MYLK4: variants seen among roughly 807,000 people sequenced by gnomAD.
MYLK4 encodes the protein myosin light chain kinase family member 4.
In MYLK4, 46 loss-of-function variants were observed where a neutral mutation model predicts 48.1. That is an observed-to-expected ratio of 0.96 (90% CI 0.75 to 1.22). The LOEUF is 1.22. Ranked by LOEUF, MYLK4 falls within the 50% of genes most tolerant of loss-of-function variation. MYLK4 has a pLI of 0.00. For synonymous variants in MYLK4, 170 were observed against 180.8 expected (o/e 0.94, Z 0.48); for missense variants, 451 against 486.1 (o/e 0.93, Z 0.68).
chr6:2,761,589 G>C, the MYLK4 span, among the ~76,000 whole-genome samples: 3 of 152,188 alleles, frequency 2.0e-5, no homozygotes, highest in African/African-American at 7.2e-5. Context: ...ACATTGACAA[G>C]TTCACTTAAT....
chr6:2,761,238 G>C, the MYLK4 span, among the ~76,000 whole-genome samples: 1 of 152,100 alleles, frequency 6.6e-6, no homozygotes, highest in East Asian at 1.9e-4. Context: ...ACACTTAAAA[G>C]TAAACCACCG....
chr6:2,674,950 G>A (rs1761029936), intron 11 of MYLK4, 97 bp downstream of exon 11: 1 of 864,108 alleles, frequency 1.2e-6, no homozygotes. Context: ...AAAAGAATGA[G>A]AAAGAATCTT....
chr6:2,704,127 C>A (rs143620690), intron 2 of MYLK4, among the ~76,000 whole-genome samples: 1 of 152,212 alleles, frequency 6.6e-6, no homozygotes, highest in East Asian at 1.9e-4. Context: ...AGTGTCAGCT[C>A]ATGACAAACA....
At chr6:2,731,366 C>T (rs1231347460) in intron 2 of MYLK4, among the ~76,000 whole-genome samples, 1 of 152,162 alleles carries the variant, frequency 6.6e-6, no homozygotes, top group African/African-American at 2.4e-5. Flanking sequence ...CCCAGTTTCT[C>T]TGGACTCTAG....
chr6:2,743,919 T>G, intron 2 of MYLK4: 1 of 398,518 alleles, frequency 2.5e-6, no homozygotes, highest in African/African-American at 2.1e-5. Flanking sequence ...AGAGCAGGAG[T>G]CTGCCAGTGG....
At chr6:2,684,870 C>T (rs1761466795) in intron 6 of MYLK4, among the ~76,000 whole-genome samples, 2 of 152,020 alleles carry the variant, frequency 1.3e-5, no homozygotes, top group African/African-American at 4.8e-5. Context: ...TACTCGGTTT[C>T]TAACTAACCA....
At chr6:2,763,023 CG>C in the MYLK4 span, among the ~76,000 whole-genome samples, 1 of 152,204 alleles carries the variant, frequency 6.6e-6, no homozygotes, top group Non-Finnish European at 1.5e-5. Flanking sequence ...GGGTCTCCAT[CG>C]CCAGCTCTAG....
intron 4 of MYLK4, among the ~76,000 whole-genome samples, chr6:2,688,336 G>C (rs1212040996): frequency 2.0e-5 from 3 of 152,222 alleles, no homozygotes; most frequent in Non-Finnish European, 4.4e-5. Context: ...TGGGATTACA[G>C]GCGTGAGCCA....
intron 2 of MYLK4, among the ~76,000 whole-genome samples, chr6:2,694,393 A>G (rs1308025144): frequency 6.7e-6 from 1 of 148,954 alleles, no homozygotes; most frequent in Non-Finnish European, 1.5e-5. Flanking sequence ...TAGACTGTGG[A>G]CTTCCAGTGG....
rs1760888187 is a variant in MYLK4, at chr6:2,671,349, C to A, written c.1120-1G>T. 6.2e-7 allele frequency: 1 copy of A among 1,613,868 alleles called. No individual in the cohort carries two copies. Among genetic ancestry groups the A allele is most frequent in the East Asian group, 2.2e-5 (1 of 44,870 alleles). On this transcript the variant is annotated splice_acceptor_variant, in intron 11 of 12. Coordinates refer to ENST00000274643, the MANE Select transcript of MYLK4 (RefSeq NM_001012418.5). LOFTEE classifies it high-confidence loss of function. ...CATCAGAGCCACGATTCTTCTTCTT[C>A]TAGGGAAAGCAGAAGGCATATGGGA...
At chr6:2,707,316 A>G (rs1762528277) in intron 2 of MYLK4, among the ~76,000 whole-genome samples, 1 of 152,218 alleles carries the variant, frequency 6.6e-6, no homozygotes, top group Non-Finnish European at 1.5e-5. Context: ...TTCACATTTA[A>G]TGAGATCAGT....
In MYLK4 at chr6:2,740,732, T is replaced by C. The variant is rs189090652; in HGVS notation, c.159+8404A>G. On this transcript the variant is annotated intron_variant, in intron 2 of 12. Transcript: ENST00000274643. ...GACATGGTGCTGGGCACATAAGAAA[T>C]CCTACATAAACTTTACCTGTTCCTC... Among the ~76,000 whole-genome samples the C allele has an allele frequency of 2.1e-3, 319 of 152,282 alleles. 1 individual carries two copies. Among genetic ancestry groups the C allele is most frequent in the African/African-American group, 7.0e-3 (292 of 41,556 alleles).
intron 7 of MYLK4, 63 bp downstream of exon 7, chr6:2,682,958 A>G (rs890427367): frequency 5.0e-6 from 8 of 1,588,950 alleles, no homozygotes; most frequent in Non-Finnish European, 6.9e-6. Context: ...ATAATAGCAG[A>G]CAGGGCCCAC....
At chr6:2,703,913 C>A in intron 2 of MYLK4, among the ~76,000 whole-genome samples, 1 of 152,058 alleles carries the variant, frequency 6.6e-6, no homozygotes, top group East Asian at 1.9e-4. Flanking sequence ...TCGTGATCTG[C>A]CTGCCTCGGC....
At position 2,688,940 on chromosome 6, in the gene MYLK4, A is replaced by G. The variant is rs753310666; in HGVS notation, c.252T>C (p.Pro84=). 2 of 1,614,204 alleles carry G rather than the reference A, an allele frequency of 1.2e-6. No homozygotes were observed. The highest frequency in any genetic ancestry group is 4.5e-5 in the East Asian group (2 of 44,882). ...CAATACGATGATCAAATGGGGCCGG[A>G]GGAGCCGGGATGTCAACTAGAAGGT... ...TSALAVDIPA[P]PAPFDHRIVT... is the part of the protein sequence containing the mutation. Residue 84 remains proline (P), a synonymous_variant, in exon 4 of 13, where the codon CCT becomes CCC. Coordinates refer to ENST00000274643, the MANE Select transcript of MYLK4 (RefSeq NM_001012418.5).
chr6:2,743,967 G>T, intron 2 of MYLK4: 1 of 398,834 alleles, frequency 2.5e-6, no homozygotes, highest in Non-Finnish European at 4.4e-6. Flanking sequence ...AAGCACCAGA[G>T]AACTGAAGAC....
At chr6:2,730,825 T>A (rs1262529288) in intron 2 of MYLK4, among the ~76,000 whole-genome samples, 1 of 152,112 alleles carries the variant, frequency 6.6e-6, no homozygotes, top group Non-Finnish European at 1.5e-5. Flanking sequence ...ATTCTTGACA[T>A]CCTAAGGTTG....
intron 2 of MYLK4, among the ~76,000 whole-genome samples, chr6:2,735,308 A>T (rs545354847): frequency 3.7e-4 from 57 of 152,334 alleles, no homozygotes; most frequent in Admixed American, 1.4e-3. Flanking sequence ...AAGCCAGGGC[A>T]TGTCAGGCCA....
intron 9 of MYLK4, among the ~76,000 whole-genome samples, chr6:2,678,852 T>C (rs1582031607): frequency 6.6e-6 from 1 of 151,792 alleles, no homozygotes; most frequent in Non-Finnish European, 1.5e-5. Context: ...TACAGGTGCA[T>C]GCCACCACGC....
Sources: gnomAD v4.1 joint callset for allele counts (sites outside exome capture counted in the v4.1 genomes callset) on GRCh38, gnomAD v4.1.1 for gene constraint, MANE v1.5 for transcripts, NCBI Gene and HGNC (gene_info 2026-07-23, HGNC 2026-07-21) for gene names.